The following KAZN variants were observed in gnomAD, a reference collection of about 807,000 sequenced individuals.
The protein encoded by KAZN is kazrin.
A neutral mutation model predicts 87.4 loss-of-function variants in KAZN; 40 were observed. The ratio of observed to expected loss-of-function variants is 0.46; its 90% CI spans 0.36 to 0.60. The LOEUF (loss-of-function observed/expected upper bound fraction) is 0.60, where lower values mean the gene tolerates loss of function less well. Ranked by LOEUF, KAZN falls within the 20% of genes least tolerant of loss-of-function variation. The pLI is 0.00. For synonymous variants in KAZN, 466 were observed against 458.3 expected (o/e 1.02, Z -0.22); for missense variants, 898 against 1,073.9 (o/e 0.84, Z 2.29).
Position 15,066,013 on chromosome 1 carries a change from A to T in KAZN, c.1222+260A>T. On this transcript the variant is annotated intron_variant, in intron 8 of 14. Transcript: ENST00000376030. The surrounding 1 kb of genome is among the most constrained non-coding windows in gnomAD (Gnocchi z 4.3). ...CGCCACCTCTGTAATTGATGTACAT[A>T]CCGCAAACCGTGTGTGAACCTGTCA... is the stretch of plus-strand genomic sequence containing the variant. 1 of 1,290,276 alleles carries T rather than the reference A, an allele frequency of 7.8e-7. No homozygotes were observed. The allele number at this position is 1,290,276 out of a possible 1,614,324, so 79.9% of individuals were successfully genotyped here. A position where few individuals can be genotyped will look rare whatever the true frequency, so the allele number is the denominator to read the frequency against.
At chr1:14,390,619 T>G (rs1662337280) in intron 2 of KAZN, 1 of 152,224 alleles carries the variant, frequency 6.6e-6, no homozygotes, top group Admixed American at 6.5e-5. Context: ...TTCAGAGAGG[T>G]GGTGTCTTAG....
intron 1 of KAZN, among the ~76,000 whole-genome samples, chr1:14,817,610 G>A (rs149309414): frequency 2.6e-5 from 4 of 152,286 alleles, no homozygotes; most frequent in African/African-American, 7.2e-5. Flanking sequence ...ATGCCTTGCT[G>A]TCTTCTCTCT....
At chr1:14,167,272 C>T (rs943712038) in intron 1 of KAZN, among the ~76,000 whole-genome samples, 18 of 152,290 alleles carry the variant, frequency 1.2e-4, no homozygotes, top group African/African-American at 4.1e-4. Context: ...CATTCCATTC[C>T]ATATTTCATT....
chr1:15,087,238 C>G (rs1640298892), intron 8 of KAZN, among the ~76,000 whole-genome samples: 1 of 152,104 alleles, frequency 6.6e-6, no homozygotes, highest in South Asian at 2.1e-4. Flanking sequence ...TAAAAAGGAA[C>G]AGGTGACATG....
chr1:14,520,049 G>A (rs766879785), intron 2 of KAZN, among the ~76,000 whole-genome samples: 1 of 152,120 alleles, frequency 6.6e-6, no homozygotes, highest in Non-Finnish European at 1.5e-5. Flanking sequence ...TTATAATTGG[G>A]GCCAAGGAGC....
At chr1:14,002,726 A>G (rs1019571480) in intron 1 of KAZN, among the ~76,000 whole-genome samples, 1 of 152,226 alleles carries the variant, frequency 6.6e-6, no homozygotes, top group Admixed American at 6.5e-5. Flanking sequence ...GAGGCTGTGG[A>G]GAAATAGGAA....
At chr1:14,970,066 G>A (rs764835604) in intron 2 of KAZN, among the ~76,000 whole-genome samples, 1 of 152,088 alleles carries the variant, frequency 6.6e-6, no homozygotes, top group Non-Finnish European at 1.5e-5. Flanking sequence ...CACCTGCCTC[G>A]GCCTCCCAAA....
chr1:14,988,851 G>A (rs947649125), intron 2 of KAZN, among the ~76,000 whole-genome samples: 11 of 152,176 alleles, frequency 7.2e-5, no homozygotes, highest in African/African-American at 2.2e-4. Flanking sequence ...ACGGCCCTCC[G>A]GGGCTTCTCA....
intron 1 of KAZN, among the ~76,000 whole-genome samples, chr1:14,806,253 G>A (rs1042587649): frequency 1.8e-4 from 26 of 145,778 alleles, no homozygotes; most frequent in East Asian, 5.8e-4. Context: ...ATGCCAGCTC[G>A]TTAATGGTTC....
chr1:14,033,474 C>A (rs1187178376), intron 1 of KAZN, among the ~76,000 whole-genome samples: 3 of 152,254 alleles, frequency 2.0e-5, no homozygotes, highest in Non-Finnish European at 4.4e-5. Flanking sequence ...CTTATTGAAT[C>A]TCAGACATTG....
chr1:14,064,422 C>G (rs1366033796), intron 1 of KAZN, among the ~76,000 whole-genome samples: 1 of 152,224 alleles, frequency 6.6e-6, no homozygotes, highest in Non-Finnish European at 1.5e-5. Flanking sequence ...CAGTCCGACA[C>G]CAACCCAGGT....
intron 1 of KAZN, among the ~76,000 whole-genome samples, chr1:14,708,017 A>G (rs1340447819): frequency 6.6e-6 from 1 of 151,524 alleles, no homozygotes; most frequent in Non-Finnish European, 1.5e-5. Flanking sequence ...TCATTTTGAA[A>G]TCCCAGGTCT....
intron 2 of KAZN, among the ~76,000 whole-genome samples, chr1:14,999,772 T>A (rs1428193656): frequency 6.6e-6 from 1 of 152,248 alleles, no homozygotes; most frequent in African/African-American, 2.4e-5. Context: ...AGGCCAGGCC[T>A]GGACCCAGAG....
At chr1:14,548,805 A>G (rs1474484410) in intron 2 of KAZN, among the ~76,000 whole-genome samples, 2 of 152,316 alleles carry the variant, frequency 1.3e-5, no homozygotes, top group Non-Finnish European at 2.9e-5. Flanking sequence ...CGTTGTCTGC[A>G]GTACACATGT....
At chr1:14,138,386 T>A (rs919244704) in intron 1 of KAZN, among the ~76,000 whole-genome samples, 2 of 152,166 alleles carry the variant, frequency 1.3e-5, no homozygotes, top group African/African-American at 4.8e-5. Context: ...GAAAGACCTG[T>A]TCCTTCTATG....
chr1:14,421,345 G>A (rs186282277), intron 2 of KAZN, among the ~76,000 whole-genome samples: 29 of 152,148 alleles, frequency 1.9e-4, no homozygotes, highest in Admixed American at 1.6e-3. Context: ...CTTCTTTTGG[G>A]ATGGGTTTTC....
At chr1:13,969,677 G>C (rs764635817) in intron 1 of KAZN, among the ~76,000 whole-genome samples, 2 of 152,010 alleles carry the variant, frequency 1.3e-5, no homozygotes, top group African/African-American at 2.4e-5. Flanking sequence ...CCAACTCTTT[G>C]TGGCACTCAG....
intron 2 of KAZN, among the ~76,000 whole-genome samples, chr1:14,254,427 T>C (rs1650321731): frequency 6.6e-6 from 1 of 152,166 alleles, no homozygotes; most frequent in African/African-American, 2.4e-5. Context: ...CGACCATTCC[T>C]TTTGTTGGTA....
At chr1:14,776,336 A>G (rs2100619319) in intron 1 of KAZN, among the ~76,000 whole-genome samples, 1 of 152,262 alleles carries the variant, frequency 6.6e-6, no homozygotes, top group Non-Finnish European at 1.5e-5. Flanking sequence ...GGGGCCAAGG[A>G]ATAGTAACGC....
Sources: allele counts gnomAD v4.1 joint callset (sites outside exome capture counted in the v4.1 genomes callset), GRCh38; gene constraint gnomAD v4.1.1; non-coding constraint Gnocchi (gnomAD v3.1); transcripts MANE v1.5; gene names NCBI Gene and HGNC (gene_info 2026-07-23, HGNC 2026-07-21).